Variants in NRG3 observed in about 807,000 individuals in gnomAD.
The protein encoded by NRG3 is neuregulin 3.
NRG3 carries 31 observed loss-of-function variants against 66.9 expected under a neutral mutation model. The ratio of observed to expected loss-of-function variants is 0.46; its 90% CI spans 0.35 to 0.63. The LOEUF is 0.63. Ranked by LOEUF, NRG3 falls within the 20% of genes least tolerant of loss-of-function variation. The probability of loss-of-function intolerance (pLI) is 0.00; values close to 1 mark genes in which losing one functional copy is unlikely to be tolerated. For synonymous variants in NRG3, 393 were observed against 359.4 expected, an observed-to-expected ratio of 1.09 and a Z score of -1.06; for missense variants, 910 against 878.9, an observed-to-expected ratio of 1.04 and a Z score of -0.45.
At chr10:82,069,010 T>C (rs879266603) in intron 1 of NRG3, among the ~76,000 whole-genome samples, 2 of 152,194 alleles carry the variant, frequency 1.3e-5, no homozygotes, top group South Asian at 4.1e-4. Context: ...AAGGGTTTAA[T>C]TGGATTAGAG....
intron 1 of NRG3, among the ~76,000 whole-genome samples, chr10:81,950,446 C>A (rs954223479): frequency 6.6e-6 from 1 of 152,168 alleles, no homozygotes; most frequent in African/African-American, 2.4e-5. Context: ...AAAATCACTT[C>A]AGGCCAAACA....
chr10:82,120,055 G>A (rs1406745185), intron 1 of NRG3, among the ~76,000 whole-genome samples: 8 of 152,028 alleles, frequency 5.3e-5, no homozygotes, highest in Admixed American at 6.6e-5. Flanking sequence ...GTAAATGAAC[G>A]TATTATTTTA....
At chr10:82,925,332 C>A (rs1846875256) in intron 4 of NRG3, among the ~76,000 whole-genome samples, 1 of 152,214 alleles carries the variant, frequency 6.6e-6, no homozygotes, top group African/African-American at 2.4e-5. Context: ...CTGCCTGTGA[C>A]CATTTACTTT....
chr10:82,958,881 T>C (rs966387601), intron 5 of NRG3, 68 bp from the exon 6 acceptor site: 1 of 1,466,678 alleles, frequency 6.8e-7, no homozygotes. Context: ...TGGGAATGAA[T>C]GAGACCCTGA....
chr10:82,064,396 CAATA>C (rs1360619204), intron 1 of NRG3, among the ~76,000 whole-genome samples: 7 of 151,570 alleles, frequency 4.6e-5, no homozygotes, highest in African/African-American at 1.7e-4. Flanking sequence ...TATTATAAAA[CAATA>C]AAAATCCCAT....
chr10:82,660,689 C>T (rs568089094), intron 2 of NRG3, among the ~76,000 whole-genome samples: 1 of 152,276 alleles, frequency 6.6e-6, no homozygotes, highest in African/African-American at 2.4e-5. Flanking sequence ...ACCCAATTAT[C>T]TCTTGCGTTC....
chr10:82,075,572 G>A (rs779249235), intron 1 of NRG3, among the ~76,000 whole-genome samples: 35 of 152,168 alleles, frequency 2.3e-4, no homozygotes, highest in Non-Finnish European at 4.0e-4. Flanking sequence ...AGAAAGTAGT[G>A]TGACTGGGGA....
rs201544707 is a variant in NRG3 at position 82,939,776 on chromosome 10, G to GT, written c.1055-11686dup. 9.4e-4 allele frequency among the ~76,000 whole-genome samples: 143 copies of GT among 151,930 alleles called. 3 individuals are homozygous for GT. In the East Asian group the frequency reaches 0.023, roughly 24 times the overall value. ...GAGCCACGGCGCCCCACCTTTCAAT[G>GT]TTTTTTTAAGTGTAGTATTATGCAG... On this transcript the variant is annotated intron_variant, in intron 4 of 8. Coordinates refer to ENST00000372141, the MANE Select transcript of NRG3 (RefSeq NM_001010848.4).
intron 2 of NRG3, among the ~76,000 whole-genome samples, chr10:82,471,613 C>T (rs939400164): frequency 4.6e-5 from 7 of 152,184 alleles, no homozygotes; most frequent in East Asian, 3.9e-4. Context: ...GAATTCTATT[C>T]GTAATCAAGG....
chr10:82,697,548 C>T (rs2055489876), intron 2 of NRG3, among the ~76,000 whole-genome samples: 1 of 152,132 alleles, frequency 6.6e-6, no homozygotes, highest in African/African-American at 2.4e-5. Context: ...ACAAACACTA[C>T]GTCCAATTTT....
At chr10:82,909,978 T>A (rs773181623) in intron 4 of NRG3, among the ~76,000 whole-genome samples, 7 of 152,086 alleles carry the variant, frequency 4.6e-5, no homozygotes, top group Non-Finnish European at 1.0e-4. Flanking sequence ...CAGAAGTTAA[T>A]GAAAAATAGA....
chr10:82,916,913 G>A (rs1360734385), intron 4 of NRG3, among the ~76,000 whole-genome samples: 3 of 152,244 alleles, frequency 2.0e-5, no homozygotes, highest in South Asian at 2.1e-4. Flanking sequence ...ACTTCACCCA[G>A]CCAACATTTT....
chr10:82,680,932 G>C (rs2054067439), intron 2 of NRG3, among the ~76,000 whole-genome samples: 1 of 152,222 alleles, frequency 6.6e-6, no homozygotes. Flanking sequence ...TCAAGGTTAA[G>C]CTGTTCTGGG....
At chr10:82,912,957 G>T (rs1845470725) in intron 4 of NRG3, among the ~76,000 whole-genome samples, 1 of 152,198 alleles carries the variant, frequency 6.6e-6, no homozygotes. Context: ...CGGGTGCGGT[G>T]GCTCACACCT....
In NRG3 at chr10:82,228,794, T is replaced by TG. The variant is rs1028093465; in HGVS notation, c.824-129943dup. On this transcript the variant is annotated intron_variant, in intron 1 of 8. Transcript: ENST00000372141. Reference sequence around the variant, plus strand: ...CCCAGTATGCCATTTCAGAAGTAGATGGTATGCCCTTCTGAGAAAACAATC... The same window carrying TG: ...CCCAGTATGCCATTTCAGAAGTAGATGGGTATGCCCTTCTGAGAAAACAATC... 1.1e-3 allele frequency: 164 copies of TG among 152,282 alleles called. 1 individual carries two copies. The highest frequency in any genetic ancestry group is 3.7e-3 in the African/African-American group (154 of 41,558). The allele number at this position is 152,282 out of a possible 1,614,324, so 9.4% of individuals were successfully genotyped here. A position where few individuals can be genotyped will look rare whatever the true frequency, so the allele number is the denominator to read the frequency against.
intron 1 of NRG3, among the ~76,000 whole-genome samples, chr10:81,925,967 G>A (rs1031083480): frequency 6.6e-6 from 1 of 152,082 alleles, no homozygotes; most frequent in Non-Finnish European, 1.5e-5. Flanking sequence ...TGTAAGAGAG[G>A]TATCTGCTGA....
At chr10:81,898,342 G>C (rs1843712003) in intron 1 of NRG3, among the ~76,000 whole-genome samples, 1 of 152,166 alleles carries the variant, frequency 6.6e-6, no homozygotes, top group South Asian at 2.1e-4. Flanking sequence ...GACGACAATG[G>C]TTGAAGAAAA....
intron 1 of NRG3, among the ~76,000 whole-genome samples, chr10:82,004,180 A>G (rs2061291219): frequency 6.6e-6 from 1 of 152,174 alleles, no homozygotes. Flanking sequence ...AAAGGTAAGA[A>G]TTTTATTTTT....
At chr10:82,495,485 T>C (rs1035768383) in intron 2 of NRG3, among the ~76,000 whole-genome samples, 1 of 152,062 alleles carries the variant, frequency 6.6e-6, no homozygotes, top group Non-Finnish European at 1.5e-5. Flanking sequence ...CTCCCTTCCA[T>C]TTACCCAACT....
Sources: gnomAD v4.1 joint callset for allele counts (sites outside exome capture counted in the v4.1 genomes callset) on GRCh38, gnomAD v4.1.1 for gene constraint, MANE v1.5 for transcripts, NCBI Gene and HGNC (gene_info 2026-07-23, HGNC 2026-07-21) for gene names.